EEF1E1: variants seen among roughly 807,000 people sequenced by gnomAD.
EEF1E1 encodes the protein eukaryotic translation elongation factor 1 epsilon 1.
In EEF1E1, 19 loss-of-function variants were observed where a neutral mutation model predicts 19.9. The observed-to-expected ratio is 0.95, with a 90% CI of 0.66 to 1.40. The LOEUF is 1.40. Among genes scored for constraint, EEF1E1 ranks in the 40% most tolerant of loss-of-function variants. EEF1E1 has a pLI of 0.00. For missense variants in EEF1E1, 198 were observed against 202.2 expected, an observed-to-expected ratio of 0.98 and a Z score of 0.13; for synonymous variants, 81 against 80.0, an observed-to-expected ratio of 1.01 and a Z score of -0.07.
intron 2 of EEF1E1, among the ~76,000 whole-genome samples, chr6:8,096,605 G>A (rs1354073445): frequency 6.6e-6 from 1 of 152,130 alleles, no homozygotes; most frequent in African/African-American, 2.4e-5. Flanking sequence ...GCTGTTGTCT[G>A]AATAATCTCT....
chr6:8,100,576 A>T (rs1182332488), intron 1 of EEF1E1, among the ~76,000 whole-genome samples: 2 of 152,122 alleles, frequency 1.3e-5, no homozygotes, highest in African/African-American at 4.8e-5. Flanking sequence ...TAGAAAACTC[A>T]AGTTAGCTCA....
At chr6:8,092,871 T>TTTTG (rs1561643178) in intron 2 of EEF1E1, among the ~76,000 whole-genome samples, 6 of 90,714 alleles carry the variant, frequency 6.6e-5, no homozygotes, top group African/African-American at 2.8e-4. Flanking sequence ...AAAGACTGCT[T>TTTTG]TTTTTTTTTT....
intron 2 of EEF1E1, among the ~76,000 whole-genome samples, chr6:8,093,879 C>G (rs2113659109): frequency 1.3e-5 from 2 of 151,986 alleles, no homozygotes; most frequent in Middle Eastern, 6.8e-3. Flanking sequence ...CTCACTGCAA[C>G]CTCCGCCTCC....
At chr6:8,080,653 T>A (rs1486735972) in intron 3 of EEF1E1, among the ~76,000 whole-genome samples, 1 of 152,246 alleles carries the variant, frequency 6.6e-6, no homozygotes, top group Admixed American at 6.5e-5. Flanking sequence ...ATCATTTCAC[T>A]GGGCTCAAAT....
Position 8,090,292 on chromosome 6 carries a change from GA to G in EEF1E1, c.289-12del. 1 of 1,444,502 alleles carries G rather than the reference GA, an allele frequency of 6.9e-7. No homozygotes were observed. Among genetic ancestry groups the G allele is most frequent in the Non-Finnish European group, 9.1e-7 (1 of 1,096,190 alleles). The allele number at this position is 1,444,502 out of a possible 1,614,324, so 89.5% of individuals were successfully genotyped here. On this transcript the variant is annotated splice_polypyrimidine_tract_variant and intron_variant, in intron 2 of 3. Coordinates refer to ENST00000379715, the MANE Select transcript of EEF1E1 (RefSeq NM_004280.5). ...ATATGAATTAAGATCCTAGAAAAAA[GA>G]AAAAACAAATAAATATTAATGTAAA...
chr6:8,101,905 A>G, intron 1 of EEF1E1: 33 of 1,243,786 alleles, frequency 2.7e-5, no homozygotes, highest in Non-Finnish European at 3.5e-5. Context: ...GCAACGTGGC[A>G]CTCTTCCAAT....
At chr6:8,088,349 T>C (rs974672872) in intron 3 of EEF1E1, among the ~76,000 whole-genome samples, 2 of 152,148 alleles carry the variant, frequency 1.3e-5, no homozygotes, top group East Asian at 1.9e-4. Flanking sequence ...AATGGTGATA[T>C]GGTTTGGCTG....
downstream of EEF1E1, chr6:8,079,382 A>C: frequency 1.0e-6 from 1 of 988,066 alleles, no homozygotes; most frequent in Non-Finnish European, 1.2e-6. Context: ...GAAAGAAAGA[A>C]ACAACGAAAA....
intron 1 of EEF1E1, among the ~76,000 whole-genome samples, chr6:8,099,769 C>T (rs1369177735): frequency 8.2e-6 from 1 of 121,778 alleles, no homozygotes; most frequent in Admixed American, 7.7e-5. Context: ...CACACACACA[C>T]ACACACACAC....
downstream of EEF1E1, among the ~76,000 whole-genome samples, chr6:8,074,410 G>A (rs1757546013): frequency 1.3e-5 from 2 of 152,144 alleles, no homozygotes; most frequent in Admixed American, 6.5e-5. Context: ...ATTGAGCACC[G>A]ACTGTGGTGT....
chr6:8,101,225 C>CAAAAA (rs778878465), intron 1 of EEF1E1, among the ~76,000 whole-genome samples: 33 of 3,110 alleles, frequency 0.011, 7 homozygotes, highest in East Asian at 0.024. Flanking sequence ...GACTTTGTCT[C>CAAAAA]AAAAAAAAAA....
intron 3 of EEF1E1, among the ~76,000 whole-genome samples, chr6:8,080,379 G>A (rs547472463): frequency 1.1e-4 from 17 of 152,066 alleles, no homozygotes; most frequent in African/African-American, 4.1e-4. Context: ...TTCTTTCTCT[G>A]GTATTCTTTA....
intron 2 of EEF1E1, among the ~76,000 whole-genome samples, chr6:8,096,989 C>T (rs1458801218): frequency 2.6e-5 from 4 of 152,010 alleles, no homozygotes; most frequent in African/African-American, 7.3e-5. Context: ...TGACAAGGGT[C>T]CTGAAGGAAA....
intron 2 of EEF1E1, 117 bp downstream of exon 2, chr6:8,097,150 A>T: frequency 1.0e-6 from 1 of 988,702 alleles, no homozygotes; most frequent in Non-Finnish European, 1.6e-6. Context: ...GATGCAAACT[A>T]CTGAGGCAGA....
chr6:8,076,978 T>C (rs1324269747), downstream of EEF1E1, among the ~76,000 whole-genome samples: 1 of 86,552 alleles, frequency 1.2e-5, no homozygotes, highest in African/African-American at 4.1e-5. Context: ...AGTCTCGCGC[T>C]GTCGCCCAGG....
chr6:8,087,321 A>T (rs1321391362), intron 3 of EEF1E1, among the ~76,000 whole-genome samples: 1 of 152,150 alleles, frequency 6.6e-6, no homozygotes, highest in Non-Finnish European at 1.5e-5. Flanking sequence ...GGGTTCAAGC[A>T]ATTCTCCTGC....
chr6:8,079,673 C>T lies in EEF1E1; in HGVS notation c.*217G>A. On this transcript the variant is annotated 3_prime_UTR_variant, in exon 4 of 4. Coordinates refer to ENST00000379715, the MANE Select transcript of EEF1E1 (RefSeq NM_004280.5). ...ACAAGGTTAATTTATAACTGGATCT[C>T]AACTTGTTTAATAGCAATTGAATTT... The T allele has an allele frequency of 8.1e-7, 1 of 1,234,184 alleles. No homozygotes were observed. The highest frequency in any genetic ancestry group is 1.5e-5 in the African/African-American group (1 of 66,010). 76.5% of individuals were successfully genotyped at this position (1,234,184 alleles called of 1,614,324 possible).
Sources: gnomAD v4.1 joint callset for allele counts (sites outside exome capture counted in the v4.1 genomes callset) on GRCh38, gnomAD v4.1.1 for gene constraint, MANE v1.5 for transcripts, NCBI Gene and HGNC (gene_info 2026-07-23, HGNC 2026-07-21) for gene names.